Variants in CAMTA1 observed in about 807,000 individuals in gnomAD.
CAMTA1 encodes calmodulin-binding transcription activator 1.
A neutral mutation model predicts 170.9 loss-of-function variants in CAMTA1; 27 were observed. The ratio of observed to expected loss-of-function variants is 0.16; its 90% confidence interval spans 0.12 to 0.22. CAMTA1 has a LOEUF of 0.22. CAMTA1 is among the 10% of genes least tolerant of loss of function. The pLI is 1.00. For synonymous variants in CAMTA1, 833 were observed against 891.5 expected, an observed-to-expected ratio of 0.93 and a Z score of 1.17; for missense variants, 1,619 against 2,217.2, an observed-to-expected ratio of 0.73 and a Z score of 5.42.
chr1:7,221,432 T>G (rs766156), intron 4 of CAMTA1, among the ~76,000 whole-genome samples: 11,177 of 152,238 alleles, frequency 0.073, 1,189 homozygotes, highest in African/African-American at 0.23. Context: ...CTCCGGCTTT[T>G]GGGTTTCCAT....
At position 7,588,297 on chromosome 1, in the gene CAMTA1, A is replaced by G. The variant is rs534021555; in HGVS notation, c.511-52103A>G. 6.6e-6 allele frequency among the ~76,000 whole-genome samples: 1 copy of G among 150,952 alleles called. No homozygotes were observed. Among genetic ancestry groups the G allele is most frequent in the South Asian group, 2.1e-4 (1 of 4,806 alleles). ...CCACGCTGGTGTGGCCCTGCTGGGG[A>G]CCCCGGGTCTGTCAGGTCTGGTGAG... On this transcript the variant is annotated intron_variant, in intron 6 of 22. Transcript: ENST00000303635. This position sits in a 1 kb window ranked among gnomAD's most constrained non-coding sequence, Gnocchi z 5.8.
At chr1:7,002,673 C>A (rs6674104) in intron 3 of CAMTA1, among the ~76,000 whole-genome samples, 2,814 of 152,330 alleles carry the variant, frequency 0.018, 41 homozygotes, top group African/African-American at 0.036. Flanking sequence ...AGTTACTCAA[C>A]CGACAGTGCA....
intron 3 of CAMTA1, among the ~76,000 whole-genome samples, chr1:7,011,469 C>G (rs1027436611): frequency 6.6e-6 from 1 of 152,138 alleles, no homozygotes; most frequent in African/African-American, 2.4e-5. Context: ...AGACCCTTCG[C>G]CCTCCTATCC....
rs1229134950 is a variant in CAMTA1, at chr1:6,970,643, T to G, written c.235-120661T>G. Among the ~76,000 whole-genome samples, 1 of 152,016 alleles carries G rather than the reference T, an allele frequency of 6.6e-6. No individual in the cohort carries two copies. The highest frequency in any genetic ancestry group is 2.4e-5 in the African/African-American group (1 of 41,390). ...GATGGGAGAGACAAGCAGGCAATAG[T>G]TAGGAATGTGATCGATGTGCATATC... On this transcript the variant is annotated intron_variant, in intron 3 of 22. Transcript: ENST00000303635. This position sits in a 1 kb window ranked among gnomAD's most constrained non-coding sequence, Gnocchi z 4.4.
intron 5 of CAMTA1, among the ~76,000 whole-genome samples, chr1:7,364,814 A>G (rs1237630387): frequency 6.6e-6 from 1 of 152,208 alleles, no homozygotes; most frequent in Non-Finnish European, 1.5e-5. Flanking sequence ...GTGCTTCTAG[A>G]ATCAGTCGGA....
chr1:7,358,872 G>T (rs1443750532), intron 5 of CAMTA1, among the ~76,000 whole-genome samples: 2 of 152,128 alleles, frequency 1.3e-5, no homozygotes, highest in African/African-American at 4.8e-5. Flanking sequence ...TGTCTCCTCA[G>T]CCCCATGCCA....
intron 7 of CAMTA1, among the ~76,000 whole-genome samples, chr1:7,657,886 G>C (rs1181308190): frequency 6.6e-6 from 1 of 152,158 alleles, no homozygotes; most frequent in African/African-American, 2.4e-5. Flanking sequence ...CCTTCACTGG[G>C]TCTTCATTTT....
rs147249888 is a variant in CAMTA1, at chr1:7,618,568, G to A, written c.511-21832G>A. ...GGCTGGAAATTTGGCTCCTTGGGCCGGTTCCGATGATATTTTACAGTGCCT... is the reference window on the plus strand; with the variant it reads ...GGCTGGAAATTTGGCTCCTTGGGCCAGTTCCGATGATATTTTACAGTGCCT... On this transcript the variant is annotated intron_variant, in intron 6 of 22. Transcript: ENST00000303635. Among the ~76,000 whole-genome samples, 218 of 152,268 alleles carry A rather than the reference G, an allele frequency of 1.4e-3. 8 individuals carry two copies. The East Asian group carries it at 0.037, about 26-fold the overall frequency.
intron 19 of CAMTA1, chr1:7,749,666 G>GT: frequency 3.2e-6 from 1 of 311,590 alleles, no homozygotes; most frequent in South Asian, 2.1e-5. Flanking sequence ...TAGCCAGGTT[G>GT]CCTTTTTTTT....
At chr1:7,235,466 A>G (rs1558287651) in intron 4 of CAMTA1, among the ~76,000 whole-genome samples, 1 of 152,154 alleles carries the variant, frequency 6.6e-6, no homozygotes, top group Non-Finnish European at 1.5e-5. Flanking sequence ...TGTCTACTAA[A>G]AATACAAAAA....
At chr1:7,122,913 A>C (rs759231651) in intron 4 of CAMTA1, among the ~76,000 whole-genome samples, 2 of 151,976 alleles carry the variant, frequency 1.3e-5, no homozygotes, top group Admixed American at 6.6e-5. Context: ...ATCCCCAGCC[A>C]TTCTCCCTCT....
In CAMTA1 at chr1:7,580,883, T is replaced by G. The variant is rs1486177477; in HGVS notation, c.511-59517T>G. Reference sequence around the variant, plus strand: ...TGTGAAACACCCTGTCCTGACTGTGTGACCTCGAGAAGGTCACATGACCTC... The same window carrying G: ...TGTGAAACACCCTGTCCTGACTGTGGGACCTCGAGAAGGTCACATGACCTC... On this transcript the variant is annotated intron_variant, in intron 6 of 22. Transcript: ENST00000303635. This position sits in a 1 kb window ranked among gnomAD's most constrained non-coding sequence, Gnocchi z 4.3. 6.6e-6 allele frequency among the ~76,000 whole-genome samples: 1 copy of G among 152,242 alleles called. No individual in the cohort carries two copies. Among genetic ancestry groups the G allele is most frequent in the Non-Finnish European group, 1.5e-5 (1 of 68,038 alleles).
chr1:6,907,286 A>G (rs573960211), intron 3 of CAMTA1, among the ~76,000 whole-genome samples: 1 of 152,194 alleles, frequency 6.6e-6, no homozygotes, highest in East Asian at 1.9e-4. Context: ...ATGGAGGGAC[A>G]TAGTCCCTGA....
chr1:7,327,270 G>T (rs563046822), intron 5 of CAMTA1, among the ~76,000 whole-genome samples: 38 of 152,036 alleles, frequency 2.5e-4, no homozygotes, highest in African/African-American at 7.7e-4. Flanking sequence ...GCCAGGCTTG[G>T]TGGTGGGCGC....
chr1:7,189,142 G>C (rs1654039578), intron 4 of CAMTA1, among the ~76,000 whole-genome samples: 1 of 152,100 alleles, frequency 6.6e-6, no homozygotes, highest in African/African-American at 2.4e-5. Context: ...CTCAATTATT[G>C]TTTCCTGTGC....
intron 4 of CAMTA1, 46 bp downstream of exon 4, chr1:7,091,417 G>A: frequency 3.5e-6 from 5 of 1,411,098 alleles, no homozygotes; most frequent in African/African-American, 2.8e-5. Flanking sequence ...ACCATAAGTG[G>A]ATTGATTTGC....
intron 4 of CAMTA1, among the ~76,000 whole-genome samples, chr1:7,240,607 C>T (rs369471510): frequency 3.3e-5 from 5 of 151,470 alleles, no homozygotes; most frequent in African/African-American, 9.7e-5. Context: ...CTGTAACCTC[C>T]GCCTCCTGGG....
Position 7,665,421 on chromosome 1 carries a change from A to G in CAMTA1, c.2652+222A>G, listed in dbSNP as rs914604231. 2.6e-5 allele frequency among the ~76,000 whole-genome samples: 4 copies of G among 152,210 alleles called. No homozygotes were observed. The highest frequency in any genetic ancestry group is 3.9e-4 in the East Asian group (2 of 5,186). On this transcript the variant is annotated intron_variant, in intron 9 of 22. Transcript: ENST00000303635. This position sits in a 1 kb window ranked among gnomAD's most constrained non-coding sequence, Gnocchi z 4.3. The stretch of plus-strand genomic sequence containing the variant: ...CACTGGGGCAAGTAGCTTTAAAGTC[A>G]GGGGGTCTTTGGCCGGGTGCCATGG...
chr1:7,356,033 G>A lies in CAMTA1; in HGVS notation c.438+106407G>A, dbSNP rs994391614. Among the ~76,000 whole-genome samples the A allele has an allele frequency of 2.0e-5, 3 of 152,252 alleles. 1 individual carries two copies. In the South Asian group the frequency reaches 6.2e-4, roughly 31 times the overall value. On this transcript the variant is annotated intron_variant, in intron 5 of 22. Coordinates refer to ENST00000303635, the MANE Select transcript of CAMTA1 (RefSeq NM_015215.4). ...AGAAAGGTTCACCAACCATCCAGAA[G>A]GCTGGAGAGAGCTCAGGCAGGGACT...
Sources: gnomAD v4.1 joint callset for allele counts (sites outside exome capture counted in the v4.1 genomes callset) on GRCh38, gnomAD v4.1.1 for gene constraint, Gnocchi (gnomAD v3.1) non-coding constraint, MANE v1.5 for transcripts, NCBI Gene and HGNC (gene_info 2026-07-23, HGNC 2026-07-21) for gene names.